The following GSE1 variants were observed in gnomAD, a reference collection of about 807,000 sequenced individuals.
GSE1 encodes genetic suppressor element 1.
In GSE1, 32 loss-of-function variants were observed where a neutral mutation model predicts 112.6. That is an observed-to-expected ratio of 0.28 (90% CI 0.21 to 0.38). The LOEUF (loss-of-function observed/expected upper bound fraction) is 0.38, where lower values mean the gene tolerates loss of function less well. Ranked by LOEUF, GSE1 falls within the 10% of genes least tolerant of loss-of-function variation. GSE1 has a pLI of 1.00. For synonymous variants in GSE1, 1,115 were observed against 735.6 expected, an observed-to-expected ratio of 1.52 and a Z score of -8.35; for missense variants, 2,348 against 1,699.2, an observed-to-expected ratio of 1.38 and a Z score of -6.71.
In GSE1 at chr16:85,663,392, G is replaced by A. The variant is rs1461000299; in HGVS notation, c.2422G>A (p.Glu808Lys). ...LFGLTTQQQK[E>K]ELVAQKRRKR... ...TGGCTTGACCACCCAACAGCAGAAG[G>A]AGGAATTGGTGGCCCAGAAGCGGAG... The change falls in exon 11 of 16, where the codon GAG (glutamate) becomes AAG (lysine). Residue 808 changes from glutamate to lysine, a missense_variant. By Grantham distance (56) the Glu-to-Lys change is moderately conservative. Transcript: ENST00000253458. 4.3e-6 allele frequency: 7 copies of A among 1,613,992 alleles called. No individual in the cohort carries two copies. The South Asian group carries it at 4.4e-5, about 10-fold the overall frequency.
chr16:85,262,544 T>C (rs1361688001), intron 1 of GSE1, among the ~76,000 whole-genome samples: 1 of 152,214 alleles, frequency 6.6e-6, no homozygotes, highest in African/African-American at 2.4e-5. Flanking sequence ...ATTTCTAGGG[T>C]AACGGTTTCC....
chr16:85,513,010 A>G (rs1427668024), intron 2 of GSE1, among the ~76,000 whole-genome samples: 1 of 151,812 alleles, frequency 6.6e-6, no homozygotes, highest in Non-Finnish European at 1.5e-5. Flanking sequence ...ATCCCTGAAA[A>G]CAGTCCTGTA....
At chr16:85,170,983 G>A in exon 1 of GSE1, 1 of 985,506 alleles carries the variant, frequency 1.0e-6, no homozygotes, top group Non-Finnish European at 1.2e-6. Flanking sequence ...CTGTGGGGAG[G>A]ACTGTACCCC....
chr16:85,365,528 C>T (rs1387631144), intron 2 of GSE1, among the ~76,000 whole-genome samples: 1 of 152,170 alleles, frequency 6.6e-6, no homozygotes, highest in Non-Finnish European at 1.5e-5. Context: ...GGGTTCAGCC[C>T]CTCAACCTGA....
intron 12 of GSE1, 112 bp downstream of exon 12, chr16:85,665,240 C>T (rs954034434): frequency 1.6e-6 from 1 of 640,894 alleles, no homozygotes; most frequent in African/African-American, 1.8e-5. Flanking sequence ...CTCCTGCAGG[C>T]TGTCTTCTTC....
chr16:85,669,724 T>A (rs1349498612), intron 14 of GSE1, among the ~76,000 whole-genome samples: 2 of 152,238 alleles, frequency 1.3e-5, no homozygotes, highest in Non-Finnish European at 2.9e-5. Context: ...TGTATTTTCT[T>A]CTGTGAGTTT....
At chr16:85,662,953 T>C (rs2052551676) in intron 9 of GSE1, 28 bp from the exon 10 acceptor site, 2 of 1,444,700 alleles carry the variant, frequency 1.4e-6, no homozygotes, top group Non-Finnish European at 1.9e-6. Context: ...GCTCTTTGTC[T>C]GGCTGAATAC....
At chr16:85,382,662 T>C (rs2047574523) in intron 2 of GSE1, among the ~76,000 whole-genome samples, 1 of 152,054 alleles carries the variant, frequency 6.6e-6, no homozygotes, top group Non-Finnish European at 1.5e-5. Context: ...GCCAAAGCAC[T>C]GCCAAATAAC....
At chr16:85,357,460 C>T in intron 1 of GSE1, 5 of 1,213,786 alleles carry the variant, frequency 4.1e-6, no homozygotes, top group Non-Finnish European at 5.3e-6. Flanking sequence ...CTTTTCCTTT[C>T]AGCCTGTTTG....
chr16:85,598,056 C>T (rs1042376465), intron 1 of GSE1, among the ~76,000 whole-genome samples: 21 of 151,880 alleles, frequency 1.4e-4, no homozygotes, highest in African/African-American at 4.1e-4. Context: ...AGCGATTCCT[C>T]GGAACCTGAC....
At chr16:85,340,434 G>C (rs2046599988) in intron 1 of GSE1, among the ~76,000 whole-genome samples, 1 of 152,022 alleles carries the variant, frequency 6.6e-6, no homozygotes, top group South Asian at 2.1e-4. Flanking sequence ...GAGGTGAGGA[G>C]TTCGAAACCA....
intron 2 of GSE1, among the ~76,000 whole-genome samples, chr16:85,543,833 A>ATC (rs146210314): frequency 0.12 from 18,295 of 152,030 alleles, 1,668 homozygotes; most frequent in African/African-American, 0.25. Context: ...AGTTGGCCGT[A>ATC]TCTGGAAACT....
In GSE1 at chr16:85,404,063, C is replaced by G. The variant is rs532169931; in HGVS notation, c.2464+46420C>G. Among the ~76,000 whole-genome samples the G allele has an allele frequency of 3.9e-5, 6 of 152,234 alleles. No homozygotes were observed. In the East Asian group the frequency reaches 1.2e-3, roughly 29 times the overall value. ...GTGCGTCAGAACTCCCTCTGCCCAC[C>G]TCTCAGAAACCAGCTTGTGATTGGA... On this transcript the variant is annotated intron_variant, in intron 2 of 2. Transcript: ENST00000637419.
chr16:85,211,127 A>C (rs1166738507), intron 1 of GSE1, among the ~76,000 whole-genome samples: 6 of 152,106 alleles, frequency 3.9e-5, no homozygotes, highest in African/African-American at 1.4e-4. Flanking sequence ...TGTGAGCCAC[A>C]GGCATGCTTA....
chr16:85,516,586 C>CAA (rs35709045), intron 2 of GSE1, among the ~76,000 whole-genome samples: 4,822 of 80,326 alleles, frequency 0.06, 263 homozygotes, highest in East Asian at 0.26. Context: ...GACCCTGTCT[C>CAA]AAAAAAAAAA....
chr16:85,435,247 G>C (rs942055625), intron 2 of GSE1, among the ~76,000 whole-genome samples: 2 of 152,188 alleles, frequency 1.3e-5, no homozygotes, highest in Non-Finnish European at 2.9e-5. Context: ...GCCTCCTGGG[G>C]GGCCTGGCCT....
chr16:85,319,277 C>G (rs1006979521), intron 1 of GSE1, among the ~76,000 whole-genome samples: 1 of 152,230 alleles, frequency 6.6e-6, no homozygotes, highest in African/African-American at 2.4e-5. Flanking sequence ...CCAGAACTTG[C>G]GATCGGTGCC....
At chr16:85,276,502 T>A (rs1437578185) in intron 1 of GSE1, among the ~76,000 whole-genome samples, 2 of 152,292 alleles carry the variant, frequency 1.3e-5, no homozygotes, top group South Asian at 2.1e-4. Flanking sequence ...ATGAATGGAA[T>A]CGGCTCCTAA....
intron 2 of GSE1, among the ~76,000 whole-genome samples, chr16:85,395,925 G>C (rs1322526437): frequency 6.6e-6 from 1 of 152,164 alleles, no homozygotes; most frequent in Non-Finnish European, 1.5e-5. Flanking sequence ...CCGGCGGCCT[G>C]AGTCCCCCCA....
Sources: gnomAD v4.1 joint callset for allele counts (sites outside exome capture counted in the v4.1 genomes callset) on GRCh38, gnomAD v4.1.1 for gene constraint, MANE v1.5 for transcripts, NCBI Gene and HGNC (gene_info 2026-07-23, HGNC 2026-07-21) for gene names.